Variants in ABCD3 observed in about 807,000 individuals in gnomAD.
ABCD3 encodes the protein ATP binding cassette subfamily D member 3.
In ABCD3, 41 loss-of-function variants were observed where a neutral mutation model predicts 105.5. The observed-to-expected ratio is 0.39, with a 90% confidence interval of 0.30 to 0.50. The LOEUF (loss-of-function observed/expected upper bound fraction) is 0.50. Ranked by LOEUF, ABCD3 falls within the 20% of genes least tolerant of loss-of-function variation. The pLI, the probability that ABCD3 is intolerant of heterozygous loss-of-function variation, is 0.84. For missense variants in ABCD3, 622 were observed against 806.3 expected (o/e 0.77, Z 2.77); for synonymous variants, 258 against 269.0 (o/e 0.96, Z 0.40).
At chr1:94,385,432 A>G in the ABCD3 span, among the ~76,000 whole-genome samples, 3 of 152,234 alleles carry the variant, frequency 2.0e-5, no homozygotes, top group Non-Finnish European at 4.4e-5. Flanking sequence ...AAAAGTGTCA[A>G]GAGAACACAC....
intron 21 of ABCD3, among the ~76,000 whole-genome samples, chr1:94,510,947 T>C (rs547218618): frequency 0.043 from 6,549 of 152,182 alleles, 532 homozygotes; most frequent in African/African-American, 0.15. Flanking sequence ...CCTTATCCAA[T>C]TTGCCAGTCT....
chr1:94,432,160 T>C (rs965364611), intron 1 of ABCD3, among the ~76,000 whole-genome samples: 8 of 152,240 alleles, frequency 5.3e-5, no homozygotes, highest in Non-Finnish European at 1.2e-4. Context: ...TATATGTCAA[T>C]AGGCTAGGCT....
chr1:94,468,534 T>C (rs1029649017), intron 4 of ABCD3, among the ~76,000 whole-genome samples: 30 of 152,212 alleles, frequency 2.0e-4, no homozygotes, highest in African/African-American at 7.0e-4. Flanking sequence ...ATTTTGAATG[T>C]AAAAACGTAA....
the ABCD3 span, among the ~76,000 whole-genome samples, chr1:94,394,762 G>A: frequency 6.6e-6 from 1 of 152,126 alleles, no homozygotes; most frequent in Non-Finnish European, 1.5e-5. Context: ...TAGTACAAGA[G>A]ACCTAAAGTG....
chr1:94,480,365 T>G lies in ABCD3; in HGVS notation c.685-99T>G, dbSNP rs1648975423. ...TACCCAGTAGGGCAATTTCTTTCAG[T>G]CATTGAGGTTAATTATAAAAATTGT... is the stretch of plus-strand genomic sequence containing the variant. On this transcript the variant is annotated intron_variant, in intron 8 of 22. Transcript: ENST00000370214. 7.5e-6 allele frequency: 11 copies of G among 1,468,798 alleles called. 1 individual carries two copies. In the Admixed American group the frequency reaches 1.9e-4, roughly 25 times the overall value. 91.0% of individuals were successfully genotyped at this position (1,468,798 alleles called of 1,614,324 possible). A position where few individuals can be genotyped will look rare whatever the true frequency, so the allele number is the denominator to read the frequency against.
chr1:94,419,424 T>G lies in ABCD3; in HGVS notation c.110+836T>G, dbSNP rs367914209. On this transcript the variant is annotated intron_variant, in intron 1 of 22. Coordinates refer to ENST00000370214, the MANE Select transcript of ABCD3 (RefSeq NM_002858.4). ...TGGGAGGTTATCAGTTCAGAAAAAG[T>G]AAAAAAGAGAGAGCTGAATTACGGT... 6.0e-5 allele frequency: 54 copies of G among 895,518 alleles called. No homozygotes were observed. In the African/African-American group the frequency reaches 9.8e-4, roughly 16 times the overall value. 55.5% of individuals were successfully genotyped at this position (895,518 alleles called of 1,614,324 possible). A position where few individuals can be genotyped will look rare whatever the true frequency, so the allele number is the denominator to read the frequency against.
chr1:94,514,372 A>G (rs1028759658), intron 21 of ABCD3: 3 of 152,030 alleles, frequency 2.0e-5, no homozygotes, highest in Non-Finnish European at 4.4e-5. Context: ...TGAGGGACAA[A>G]TATCACTGAC....
At chr1:94,415,233 T>C (rs1310155159), upstream of ABCD3, among the ~76,000 whole-genome samples, 4 of 152,200 alleles carry the variant, frequency 2.6e-5, no homozygotes, top group Admixed American at 2.6e-4. Context: ...GGAAATTCCA[T>C]GAGGGCATAA....
At chr1:94,451,798 G>A (rs1180888532) in intron 1 of ABCD3, among the ~76,000 whole-genome samples, 1 of 152,144 alleles carries the variant, frequency 6.6e-6, no homozygotes, top group Admixed American at 6.5e-5. Flanking sequence ...CACCCAGGGT[G>A]CAATCTGCCT....
chr1:94,495,513 C>CACT (rs1413263096), intron 16 of ABCD3, among the ~76,000 whole-genome samples: 3 of 152,168 alleles, frequency 2.0e-5, no homozygotes, highest in Non-Finnish European at 4.4e-5. Flanking sequence ...TTTTGTTCAA[C>CACT]ACTACCAAAT....
chr1:94,488,123 G>A, intron 13 of ABCD3, 140 bp downstream of exon 13: 3 of 739,836 alleles, frequency 4.1e-6, no homozygotes, highest in Non-Finnish European at 6.7e-6. Context: ...AATTAAGGAA[G>A]ATTTTTCTGA....
At chr1:94,399,139 A>G in the ABCD3 span, among the ~76,000 whole-genome samples, 2 of 152,206 alleles carry the variant, frequency 1.3e-5, no homozygotes, top group Non-Finnish European at 2.9e-5. Context: ...GAACAGGTCC[A>G]TCACCCTAAA....
intron 8 of ABCD3, chr1:94,480,151 C>A: frequency 5.7e-6 from 2 of 353,358 alleles, no homozygotes; most frequent in Non-Finnish European, 1.0e-5. Context: ...AAGAGATTAT[C>A]AAGAAGAGTT....
At chr1:94,413,003 T>G in the ABCD3 span, among the ~76,000 whole-genome samples, 1 of 152,192 alleles carries the variant, frequency 6.6e-6, no homozygotes, top group Non-Finnish European at 1.5e-5. Flanking sequence ...AGTGCAGTTT[T>G]CCCTTACAGT....
At chr1:94,455,935 A>G (rs766678287) in intron 1 of ABCD3, 12 of 847,200 alleles carry the variant, frequency 1.4e-5, no homozygotes, top group African/African-American at 3.6e-5. Flanking sequence ...ATTGAATACT[A>G]ATTTTTTTAT....
chr1:94,477,928 A>G (rs80270963), intron 7 of ABCD3, among the ~76,000 whole-genome samples: 2 of 152,216 alleles, frequency 1.3e-5, no homozygotes, highest in Admixed American at 1.3e-4. Context: ...CAGTGTCTTT[A>G]CATTATATTG....
chr1:94,483,398 T>C (rs555494623), intron 10 of ABCD3, among the ~76,000 whole-genome samples, 159 bp downstream of exon 10: 109 of 152,324 alleles, frequency 7.2e-4, no homozygotes, highest in African/African-American at 2.6e-3. Context: ...GATTTTATAC[T>C]GCATTTTTAA....
intron 20 of ABCD3, among the ~76,000 whole-genome samples, chr1:94,501,755 A>G (rs1326854793): frequency 1.3e-5 from 2 of 152,214 alleles, no homozygotes; most frequent in African/African-American, 2.4e-5. Context: ...TTGAATTATG[A>G]AAAAGTATAT....
intron 16 of ABCD3, among the ~76,000 whole-genome samples, chr1:94,493,658 G>A (rs931786129): frequency 2.2e-4 from 33 of 152,006 alleles, no homozygotes; most frequent in African/African-American, 7.7e-4. Context: ...GTTTATTGCG[G>A]CACTATTCAC....
Sources: allele counts gnomAD v4.1 joint callset (sites outside exome capture counted in the v4.1 genomes callset), GRCh38; gene constraint gnomAD v4.1.1; transcripts MANE v1.5; gene names NCBI Gene and HGNC (gene_info 2026-07-23, HGNC 2026-07-21).